Variants in CSNK1G3 observed in about 807,000 individuals in gnomAD.
The protein encoded by CSNK1G3 is casein kinase 1 gamma 3.
CSNK1G3 carries 23 observed loss-of-function variants against 64.3 expected under a neutral mutation model. The observed-to-expected ratio is 0.36, with a 90% CI of 0.26 to 0.51. CSNK1G3 has a LOEUF of 0.51. Among genes scored for constraint, CSNK1G3 ranks in the 20% least tolerant of loss-of-function variants. The probability of loss-of-function intolerance (pLI) is 0.96; values close to 1 mark genes in which losing one functional copy is unlikely to be tolerated. For missense variants in CSNK1G3, 357 were observed against 510.5 expected, an observed-to-expected ratio of 0.70 and a Z score of 2.90; for synonymous variants, 158 against 162.2, an observed-to-expected ratio of 0.97 and a Z score of 0.20.
At chr5:123,538,772 G>A (rs929497288) in intron 1 of CSNK1G3, among the ~76,000 whole-genome samples, 1 of 151,998 alleles carries the variant, frequency 6.6e-6, no homozygotes, top group South Asian at 2.1e-4. Context: ...CAGTTGCAGC[G>A]TATTTATACA....
chr5:123,552,854 T>C (rs916596726), intron 2 of CSNK1G3: 1 of 247,720 alleles, frequency 4.0e-6, no homozygotes, highest in Admixed American at 5.6e-5. Flanking sequence ...GTCAGAATCT[T>C]TCCATTTTTA....
intron 1 of CSNK1G3, among the ~76,000 whole-genome samples, chr5:123,523,271 T>G (rs1183390099): frequency 6.6e-6 from 1 of 152,186 alleles, no homozygotes; most frequent in East Asian, 1.9e-4. Flanking sequence ...TTGTTTATAT[T>G]GCATATAGTC....
intron 4 of CSNK1G3, among the ~76,000 whole-genome samples, chr5:123,561,205 A>G (rs1275109404): frequency 6.6e-6 from 1 of 152,114 alleles, no homozygotes. Flanking sequence ...ACTCTCTGGG[A>G]TAGCAAAAAT....
intron 9 of CSNK1G3, 68 bp from the exon 10 acceptor site, chr5:123,591,251 C>G: frequency 1.1e-6 from 1 of 908,896 alleles, no homozygotes; most frequent in Admixed American, 2.9e-5. Context: ...TTCTTTTAAG[C>G]AGCTAAATGA....
chr5:123,554,210 G>T (rs901085957), intron 3 of CSNK1G3, among the ~76,000 whole-genome samples: 2 of 152,188 alleles, frequency 1.3e-5, no homozygotes, highest in Non-Finnish European at 2.9e-5. Flanking sequence ...GCCATGAAGA[G>T]AGATTGGTTG....
chr5:123,515,498 A>G (rs1776986010), intron 1 of CSNK1G3, among the ~76,000 whole-genome samples: 1 of 152,232 alleles, frequency 6.6e-6, no homozygotes, highest in South Asian at 2.1e-4. Context: ...TCTGTACGTG[A>G]GGAAAATTGA....
intron 6 of CSNK1G3, 135 bp from the exon 7 acceptor site, chr5:123,587,933 T>C: frequency 1.8e-6 from 1 of 557,722 alleles, no homozygotes; most frequent in Non-Finnish European, 3.1e-6. Context: ...TCACTTATAG[T>C]TACTAGATCT....
chr5:123,582,100 T>C (rs944146462), intron 6 of CSNK1G3, among the ~76,000 whole-genome samples: 1 of 152,056 alleles, frequency 6.6e-6, no homozygotes, highest in African/African-American at 2.4e-5. Context: ...TAAATTTGAG[T>C]TAACGAAAAA....
At chr5:123,514,768 G>T (rs1776849570) in intron 1 of CSNK1G3, among the ~76,000 whole-genome samples, 1 of 152,122 alleles carries the variant, frequency 6.6e-6, no homozygotes, top group Non-Finnish European at 1.5e-5. Context: ...AAAGGCATGT[G>T]ATTGTGTTAT....
chr5:123,600,084 A>G (rs1474422025), intron 10 of CSNK1G3, among the ~76,000 whole-genome samples: 1 of 143,318 alleles, frequency 7.0e-6, no homozygotes, highest in Non-Finnish European at 1.6e-5. Flanking sequence ...TTCATATAGT[A>G]TATGTATACT....
Position 123,544,791 on chromosome 5 carries a change from C to G in CSNK1G3, c.-247-626C>G, listed in dbSNP as rs115306354. 1.6e-3 allele frequency among the ~76,000 whole-genome samples: 246 copies of G among 152,164 alleles called. 2 individuals carry two copies. Among genetic ancestry groups the G allele is most frequent in the African/African-American group, 5.2e-3 (215 of 41,504 alleles). ...TTGATGCCTGTCAACATTTCACAGT[C>G]TTGTGAAATTACATTTATGTTTTTA... On this transcript the variant is annotated intron_variant, in intron 1 of 12. Transcript: ENST00000345990.
At chr5:123,516,938 A>G (rs1323130738) in intron 1 of CSNK1G3, among the ~76,000 whole-genome samples, 2 of 152,128 alleles carry the variant, frequency 1.3e-5, no homozygotes, top group Non-Finnish European at 2.9e-5. Flanking sequence ...CTACATTTGG[A>G]AAAAAAGGGA....
chr5:123,532,915 T>G lies in CSNK1G3; in HGVS notation c.-247-12502T>G, dbSNP rs974365033. On this transcript the variant is annotated intron_variant, in intron 1 of 12. Transcript: ENST00000345990. ...TAGAACCAGTTTTAGTTATTTTAGT[T>G]TTAAATGCTTCAGGTGGTTACTTTT... 3.0e-4 allele frequency among the ~76,000 whole-genome samples: 45 copies of G among 152,014 alleles called. 1 individual carries two copies. Among genetic ancestry groups the G allele is most frequent in the African/African-American group, 1.0e-3 (43 of 41,562 alleles).
At chr5:123,575,008 G>A (rs141262109) in intron 5 of CSNK1G3, among the ~76,000 whole-genome samples, 7 of 152,082 alleles carry the variant, frequency 4.6e-5, no homozygotes, top group African/African-American at 1.7e-4. Context: ...TGTTTACATT[G>A]CATTGTTAAC....
chr5:123,606,919 A>G (rs1359199639), intron 12 of CSNK1G3, among the ~76,000 whole-genome samples: 1 of 152,184 alleles, frequency 6.6e-6, no homozygotes, highest in Non-Finnish European at 1.5e-5. Context: ...GTATGTGATT[A>G]ATACGATAAA....
intron 10 of CSNK1G3, among the ~76,000 whole-genome samples, chr5:123,591,949 A>G (rs529730688): frequency 1.3e-5 from 2 of 152,216 alleles, no homozygotes; most frequent in South Asian, 2.1e-4. Context: ...TTCCTCATCT[A>G]TAAAATGGAA....
chr5:123,589,696 T>C (rs1218894072), intron 8 of CSNK1G3, among the ~76,000 whole-genome samples: 1 of 152,138 alleles, frequency 6.6e-6, no homozygotes, highest in East Asian at 1.9e-4. Context: ...TTTATATTTA[T>C]ATATTTGTTT....
chr5:123,571,778 CA>C (rs35147723), intron 4 of CSNK1G3, among the ~76,000 whole-genome samples: 35,668 of 151,832 alleles, frequency 0.23, 4,258 homozygotes, highest in Middle Eastern at 0.37. Flanking sequence ...GAAAAAAAAT[CA>C]CTTGGAAGTA....
At chr5:123,549,539 C>G (rs1783237270) in intron 2 of CSNK1G3, among the ~76,000 whole-genome samples, 1 of 152,172 alleles carries the variant, frequency 6.6e-6, no homozygotes, top group Admixed American at 6.5e-5. Flanking sequence ...GAGACCCATT[C>G]TTATAGCCCA....
Sources: gnomAD v4.1 joint callset for allele counts (sites outside exome capture counted in the v4.1 genomes callset) on GRCh38, gnomAD v4.1.1 for gene constraint, MANE v1.5 for transcripts, NCBI Gene and HGNC (gene_info 2026-07-23, HGNC 2026-07-21) for gene names.